GATA4: variants seen among roughly 807,000 people sequenced by gnomAD.
GATA4 encodes GATA binding protein 4.
Under a neutral mutation model 37.9 loss-of-function variants are expected in GATA4, and 7 were observed. The ratio of observed to expected loss-of-function variants is 0.18; its 90% confidence interval spans 0.11 to 0.35. The LOEUF (loss-of-function observed/expected upper bound fraction) is 0.35. GATA4 is among the 10% of genes least tolerant of loss of function. The pLI is 1.00. For missense variants in GATA4, 647 were observed against 653.0 expected, an observed-to-expected ratio of 0.99 and a Z score of 0.10; for synonymous variants, 372 against 292.6, an observed-to-expected ratio of 1.27 and a Z score of -2.77.
At chr8:11,741,891 C>G (rs777109886) in intron 2 of GATA4, among the ~76,000 whole-genome samples, 1 of 152,176 alleles carries the variant, frequency 6.6e-6, no homozygotes, top group South Asian at 2.1e-4. Flanking sequence ...CAGCTTTTGC[C>G]GCTGGGGAAG....
intron 4 of GATA4, among the ~76,000 whole-genome samples, chr8:11,751,428 C>T (rs550963567): frequency 4.2e-4 from 64 of 152,246 alleles, no homozygotes; most frequent in African/African-American, 1.5e-3. Flanking sequence ...TGCATATATA[C>T]GTACATGGGG....
At chr8:11,696,213 C>CATCA (rs1271019041) in intron 1 of GATA4, among the ~76,000 whole-genome samples, 2 of 152,128 alleles carry the variant, frequency 1.3e-5, no homozygotes, top group Non-Finnish European at 2.9e-5. Flanking sequence ...GTGTGACCAC[C>CATCA]ATCACAAGAT....
chr8:11,732,957 A>G (rs1296124820), intron 2 of GATA4, among the ~76,000 whole-genome samples: 2 of 152,218 alleles, frequency 1.3e-5, no homozygotes, highest in South Asian at 2.1e-4. Context: ...CAAATGCCCA[A>G]CCTCCAAATA....
upstream of GATA4, among the ~76,000 whole-genome samples, chr8:11,691,405 A>T (rs1251175154): frequency 6.6e-6 from 1 of 152,152 alleles, no homozygotes; most frequent in East Asian, 1.9e-4. Context: ...GGTTCAAATG[A>T]TCTTCCCACC....
At position 11,708,898 on chromosome 8, in the gene GATA4, G is replaced by C. The variant is rs1371654056; in HGVS notation, c.586G>C (p.Ala196Pro). The C allele has an allele frequency of 2.0e-6, 3 of 1,527,920 alleles. No individual in the cohort carries two copies. Among genetic ancestry groups the C allele is most frequent in the Non-Finnish European group, 2.6e-6 (3 of 1,143,820 alleles). The allele number at this position is 1,527,920 out of a possible 1,614,324, so 94.6% of individuals were successfully genotyped here. A position where few individuals can be genotyped will look rare whatever the true frequency, so the allele number is the denominator to read the frequency against. ...SPVLHSLPGR[A>P]NPAARHPNLV... is the part of the protein sequence containing the mutation. ...GGTCCTGCACAGCCTGCCCGGCCGG[G>C]CCAACCCGGCCGCCCGACACCCCAA... Residue 196 changes from alanine to proline, a missense_variant, in exon 2 of 7, where the codon GCC becomes CCC. Coordinates refer to ENST00000532059, the MANE Select transcript of GATA4 (RefSeq NM_001308093.3). The surrounding 1 kb of genome is among the most constrained non-coding windows in gnomAD (Gnocchi z 6.7).
chr8:11,736,448 T>C (rs1367306742), intron 2 of GATA4, among the ~76,000 whole-genome samples: 8 of 152,260 alleles, frequency 5.3e-5, no homozygotes, highest in African/African-American at 1.9e-4. Flanking sequence ...CCCCTGCCTC[T>C]GCCTTTAAGT....
At chr8:11,721,392 G>A (rs556240103) in intron 2 of GATA4, among the ~76,000 whole-genome samples, 2 of 150,230 alleles carry the variant, frequency 1.3e-5, no homozygotes, top group South Asian at 4.4e-4. Context: ...TAGAATGCTG[G>A]AAAGGTGAGC....
intron 1 of GATA4, among the ~76,000 whole-genome samples, chr8:11,685,571 A>G (rs759842439): frequency 3.3e-5 from 5 of 152,102 alleles, no homozygotes; most frequent in Non-Finnish European, 5.9e-5. Context: ...TGGACTCAAA[A>G]CTCCAAGAAC....
At chr8:11,724,550 T>A (rs1182389517) in intron 2 of GATA4, among the ~76,000 whole-genome samples, 2 of 152,238 alleles carry the variant, frequency 1.3e-5, no homozygotes, top group Admixed American at 6.5e-5. Context: ...TCACCAGCAG[T>A]ACGAGTCCTG....
intron 1 of GATA4, chr8:11,692,952 G>C: frequency 1.0e-6 from 1 of 985,132 alleles, no homozygotes. Flanking sequence ...TCATCAATAA[G>C]GCCTGCCAGG....
intron 1 of GATA4, chr8:11,698,007 G>C: frequency 1.0e-6 from 1 of 985,432 alleles, no homozygotes; most frequent in Non-Finnish European, 1.2e-6. Context: ...CCGGGAGCTG[G>C]GCAAGAGGAG....
At chr8:11,699,294 C>G (rs543536029), upstream of GATA4, among the ~76,000 whole-genome samples, 15 of 152,340 alleles carry the variant, frequency 9.8e-5, no homozygotes, top group East Asian at 2.7e-3. Flanking sequence ...TGGTCTTGCT[C>G]TGGGCTCAGC....
At position 11,708,737 on chromosome 8, in the gene GATA4, G is replaced by A; in HGVS notation, c.425G>A (p.Gly142Asp). 7.6e-7 allele frequency: 1 copy of A among 1,317,668 alleles called. No individual in the cohort carries two copies. Among genetic ancestry groups the A allele is most frequent in the Non-Finnish European group, 9.6e-7 (1 of 1,041,034 alleles). The allele number at this position is 1,317,668 out of a possible 1,614,324, so 81.6% of individuals were successfully genotyped here. A position where few individuals can be genotyped will look rare whatever the true frequency, so the allele number is the denominator to read the frequency against. The change falls in exon 2 of 7, where the codon GGC (glycine) becomes GAC (aspartate). Residue 142 changes from glycine to aspartate, a missense_variant. Around this residue, in one of 5 missense-constraint regions of GATA4, gnomAD observed 379 missense variants for 334.5 expected, o/e 1.13. Transcript: ENST00000532059. This position sits in a 1 kb window ranked among gnomAD's most constrained non-coding sequence, Gnocchi z 6.7. ...AGTGGCGGCGGAGCGGCGGGTGCGG[G>A]CCTGGCGGGCCGCGAGCAGTACGGG... The part of the protein sequence containing the change: ...YSSGGGAAGA[G>D]LAGREQYGRA...
chr8:11,746,909 C>G (rs1563226071), intron 2 of GATA4, among the ~76,000 whole-genome samples: 1 of 152,268 alleles, frequency 6.6e-6, no homozygotes, highest in Non-Finnish European at 1.5e-5. Flanking sequence ...TGTGGACACA[C>G]AGCTACCTGT....
At chr8:11,732,791 C>T (rs773968984) in intron 2 of GATA4, among the ~76,000 whole-genome samples, 1 of 152,178 alleles carries the variant, frequency 6.6e-6, no homozygotes, top group African/African-American at 2.4e-5. Context: ...AAGAACCCCC[C>T]AAATCAAGTA....
At chr8:11,681,096 C>A in intron 1 of GATA4, 5 of 976,498 alleles carry the variant, frequency 5.1e-6, no homozygotes, top group Non-Finnish European at 6.1e-6. Context: ...ATGGGTGGCG[C>A]CCCAGGCTCG....
intron 1 of GATA4, chr8:11,680,776 A>G: frequency 1.0e-6 from 1 of 985,056 alleles, no homozygotes; most frequent in African/African-American, 1.7e-5. Flanking sequence ...TCCAGATGCG[A>G]GGTGCTCACC....
upstream of GATA4, among the ~76,000 whole-genome samples, chr8:11,690,141 C>G (rs1483933025): frequency 6.6e-6 from 1 of 152,236 alleles, no homozygotes; most frequent in Non-Finnish European, 1.5e-5. Context: ...GCCATAATCA[C>G]CCACCAATGG....
chr8:11,726,085 C>T (rs1800909621), intron 2 of GATA4, among the ~76,000 whole-genome samples: 1 of 152,232 alleles, frequency 6.6e-6, no homozygotes, highest in Non-Finnish European at 1.5e-5. Flanking sequence ...AATACCATCA[C>T]CTGGTACATA....
Sources: gnomAD v4.1 joint callset for allele counts (sites outside exome capture counted in the v4.1 genomes callset) on GRCh38, gnomAD v4.1.1 for gene constraint, gnomAD v4.1.1 regional missense constraint, Gnocchi (gnomAD v3.1) non-coding constraint, MANE v1.5 for transcripts, NCBI Gene and HGNC (gene_info 2026-07-23, HGNC 2026-07-21) for gene names.